KMT2C: variants seen among roughly 807,000 people sequenced by gnomAD.
The protein encoded by KMT2C is histone-lysine N-methyltransferase 2C.
A neutral mutation model predicts 507.9 loss-of-function variants in KMT2C; 88 were observed. That is an observed-to-expected ratio of 0.17 (90% CI 0.15 to 0.21). The LOEUF (loss-of-function observed/expected upper bound fraction) is 0.21. Ranked by LOEUF, KMT2C falls within the 10% of genes least tolerant of loss-of-function variation. The probability of loss-of-function intolerance (pLI) is 1.00; values close to 1 mark genes in which losing one functional copy is unlikely to be tolerated. For missense variants in KMT2C, 4,954 were observed against 5,957.8 expected, an observed-to-expected ratio of 0.83 and a Z score of 5.55; for synonymous variants, 2,049 against 2,080.8, an observed-to-expected ratio of 0.98 and a Z score of 0.42.
At chr7:152,205,267 C>T in intron 24 of KMT2C, 42 bp from the exon 25 acceptor site, 4 of 1,573,498 alleles carry the variant, frequency 2.5e-6, no homozygotes, top group Admixed American at 1.7e-5. Context: ...AGTAATTTCT[C>T]CCTACATTTC....
chr7:152,383,911 A>G (rs2360214), intron 1 of KMT2C, among the ~76,000 whole-genome samples: 4 of 150,830 alleles, frequency 2.7e-5, no homozygotes, highest in South Asian at 4.3e-4. Context: ...CTGCTAGGAC[A>G]GGAGCAGCAA....
intron 2 of KMT2C, among the ~76,000 whole-genome samples, chr7:152,349,381 C>T (rs1224928982): frequency 6.6e-6 from 1 of 151,652 alleles, no homozygotes; most frequent in Non-Finnish European, 1.5e-5. Context: ...GAGGCGGAGA[C>T]TGCAGTGGGC....
chr7:152,412,440 C>T (rs2116679372), intron 1 of KMT2C, among the ~76,000 whole-genome samples: 1 of 152,228 alleles, frequency 6.6e-6, no homozygotes, highest in Non-Finnish European at 1.5e-5. Context: ...ATTTTTCTTC[C>T]TCATATTTAT....
intron 6 of KMT2C, among the ~76,000 whole-genome samples, chr7:152,276,927 A>G (rs1334690848): frequency 1.5e-4 from 23 of 152,252 alleles, no homozygotes; most frequent in Non-Finnish European, 1.3e-4. Context: ...TTCCCATATT[A>G]ATCCAAGAAC....
rs2129165432 is a variant in KMT2C at position 152,249,863 on chromosome 7, A to G, written c.1813+13T>C. Reference sequence around the variant, plus strand: ...AACTCAATCAAATTAGACAATATGAACATACTGCTTACCAGCAATAAGAAG... The same window carrying G: ...AACTCAATCAAATTAGACAATATGAGCATACTGCTTACCAGCAATAAGAAG... On this transcript the variant is annotated intron_variant, in intron 13 of 58. Transcript: ENST00000262189. The G allele has an allele frequency of 2.0e-6, 3 of 1,488,180 alleles. No homozygotes were observed. Among genetic ancestry groups the G allele is most frequent in the Non-Finnish European group, 2.8e-6 (3 of 1,066,122 alleles). 92.2% of individuals were successfully genotyped at this position (1,488,180 alleles called of 1,614,324 possible).
At chr7:152,262,983 G>T in intron 9 of KMT2C, 33 bp downstream of exon 9, 1 of 1,504,456 alleles carries the variant, frequency 6.6e-7, no homozygotes, top group Non-Finnish European at 9.2e-7. Flanking sequence ...AACATAGAGA[G>T]GATTTAAAAA....
intron 1 of KMT2C, chr7:152,367,298 C>G (rs1321195727): frequency 1.7e-6 from 2 of 1,164,498 alleles, no homozygotes; most frequent in African/African-American, 3.1e-5. Flanking sequence ...TTCCAAGTTT[C>G]CCAGCTGGAG....
chr7:152,139,617 C>T (rs961629770), intron 56 of KMT2C, 58 bp downstream of exon 56: 153 of 1,186,986 alleles, frequency 1.3e-4, no homozygotes, highest in Non-Finnish European at 1.7e-4. Context: ...CTGGCTGGCA[C>T]GGAGAAAGGG....
intron 15 of KMT2C, among the ~76,000 whole-genome samples, chr7:152,236,323 G>T (rs200260941): frequency 3.3e-5 from 5 of 152,114 alleles, no homozygotes; most frequent in Admixed American, 1.3e-4. Context: ...CTGGTCTCGC[G>T]GTGATTACAA....
chr7:152,322,407 C>T (rs771744781), intron 3 of KMT2C, among the ~76,000 whole-genome samples: 3 of 151,920 alleles, frequency 2.0e-5, no homozygotes, highest in Non-Finnish European at 2.9e-5. Context: ...AATGAACTCA[C>T]GCATTTACAC....
chr7:152,394,450 T>C (rs571059020), intron 1 of KMT2C, among the ~76,000 whole-genome samples: 1 of 152,236 alleles, frequency 6.6e-6, no homozygotes, highest in African/African-American at 2.4e-5. Context: ...CTGGGGCTTT[T>C]GCACTCACTG....
At position 152,163,138 on chromosome 7, in the gene KMT2C, C is replaced by T. The variant is rs2092545645; in HGVS notation, c.10439G>A (p.Gly3480Glu). ...QQSPQHQQQM[G>E]QVLQQQNIQQ... ...TATATTCTGCTGCTGTAAAACCTGC[C>T]CCATTTGCTGTTGGTGTTGTGGAGA... Residue 3480 changes from glycine to glutamate, a missense_variant, in exon 43 of 59, where the codon GGG becomes GAG. Around this residue, in one of 29 missense-constraint regions of KMT2C, gnomAD observed 801 missense variants for 751.2 expected, o/e 1.07. Transcript: ENST00000262189. 6.2e-7 allele frequency: 1 copy of T among 1,614,114 alleles called. No homozygotes were observed. Among genetic ancestry groups the T allele is most frequent in the Non-Finnish European group, 8.5e-7 (1 of 1,180,030 alleles).
intron 2 of KMT2C, among the ~76,000 whole-genome samples, chr7:152,344,169 T>C (rs1236703561): frequency 6.6e-6 from 1 of 152,214 alleles, no homozygotes; most frequent in Non-Finnish European, 1.5e-5. Flanking sequence ...GATTATTTTG[T>C]TCTTATAAAG....
At position 152,174,233 on chromosome 7, in the gene KMT2C, G is replaced by C. The variant is rs1486312678; in HGVS notation, c.9272C>G (p.Ala3091Gly). ...GGCTTTCATTATAGGATCTGTAATT[G>C]CATCAAAATCTAGAAAAGAAATATA... ...EPFFPNIDFD[A>G]ITDPIMKAKM... is the part of the protein sequence containing the mutation. The change falls in exon 39 of 59, where the codon GCA (alanine) becomes GGA (glycine). Residue 3091 changes from alanine to glycine, a missense_variant. Physicochemically the swap from Ala to Gly is moderately conservative, Grantham distance 60. This residue lies in a region of KMT2C where 1,689 missense variants were observed against 1,654.3 expected (regional missense o/e 1.02). Coordinates refer to ENST00000262189, the MANE Select transcript of KMT2C (RefSeq NM_170606.3). 2.0e-6 allele frequency: 3 copies of C among 1,536,674 alleles called. No individual in the cohort carries two copies. The highest frequency in any genetic ancestry group is 2.7e-6 in the Non-Finnish European group (3 of 1,117,032).
chr7:152,342,317 T>G (rs1322337902), intron 2 of KMT2C, among the ~76,000 whole-genome samples: 4 of 151,458 alleles, frequency 2.6e-5, no homozygotes, highest in African/African-American at 9.8e-5. Flanking sequence ...ATAGTTTTAC[T>G]ATTTTAATAA....
rs75510609 is a variant in KMT2C at position 152,181,131 on chromosome 7, G to A, written c.6729C>T (p.Leu2243=). Residue 2243 remains leucine (L), a synonymous_variant, in exon 36 of 59, where the codon CTC becomes CTT. Coordinates refer to ENST00000262189, the MANE Select transcript of KMT2C (RefSeq NM_170606.3). ...GCAGGAAAGGATCCTGATTTGGCATGAGGACTGGTCTTGTCATTGAGGACC... is the reference window on the plus strand; with the variant it reads ...GCAGGAAAGGATCCTGATTTGGCATAAGGACTGGTCTTGTCATTGAGGACC... ...FTRSSMTRPV[L]MPNQDPFLQA... 7.5e-5 allele frequency: 121 copies of A among 1,614,184 alleles called. No homozygotes were observed. The East Asian group carries it at 2.6e-3, about 35-fold the overall frequency.
intron 52 of KMT2C, among the ~76,000 whole-genome samples, chr7:152,147,500 A>G (rs2091222480): frequency 6.6e-6 from 1 of 151,982 alleles, no homozygotes; most frequent in Non-Finnish European, 1.5e-5. Flanking sequence ...CCTGGCCAAC[A>G]TGCTGAAACC....
At chr7:152,290,210 T>TTATA (rs560278783) in intron 6 of KMT2C, among the ~76,000 whole-genome samples, 13 of 114,944 alleles carry the variant, frequency 1.1e-4, no homozygotes, top group African/African-American at 1.4e-4. Flanking sequence ...CTAATAAATT[T>TTATA]TATATATATA....
chr7:152,239,001 A>C (rs971585301), intron 14 of KMT2C, 175 bp from the exon 15 acceptor site: 5 of 542,230 alleles, frequency 9.2e-6, no homozygotes, highest in African/African-American at 4.0e-5. Flanking sequence ...TTAAACATTT[A>C]AGTATAACTT....
Sources: allele counts gnomAD v4.1 joint callset (sites outside exome capture counted in the v4.1 genomes callset), GRCh38; gene constraint gnomAD v4.1.1; regional missense constraint gnomAD v4.1.1; transcripts MANE v1.5; gene names NCBI Gene and HGNC (gene_info 2026-07-23, HGNC 2026-07-21).